Variants in SPTLC3 observed in about 807,000 individuals in gnomAD.
SPTLC3 encodes serine palmitoyltransferase long chain base subunit 3, also known as serine palmitoyltransferase 3.
SPTLC3 carries 36 observed loss-of-function variants against 59.3 expected under a neutral mutation model. The observed-to-expected ratio is 0.61, with a 90% CI of 0.47 to 0.80. SPTLC3 has a LOEUF of 0.80. Among genes scored for constraint, SPTLC3 ranks in the 30% least tolerant of loss-of-function variants. SPTLC3 has a pLI of 0.00. For missense variants in SPTLC3, 625 were observed against 685.1 expected, an observed-to-expected ratio of 0.91 and a Z score of 0.98; for synonymous variants, 257 against 240.8, an observed-to-expected ratio of 1.07 and a Z score of -0.62.
At chr20:13,146,427 TA>T (rs533092694) in intron 9 of SPTLC3, among the ~76,000 whole-genome samples, 387 of 152,112 alleles carry the variant, frequency 2.5e-3, no homozygotes, top group Non-Finnish European at 4.4e-3. Flanking sequence ...AACCTAAAAT[TA>T]AAATTAAAAA....
chr20:13,094,860 C>A (rs889481553), intron 6 of SPTLC3, among the ~76,000 whole-genome samples: 2 of 152,244 alleles, frequency 1.3e-5, no homozygotes, highest in South Asian at 4.1e-4. Flanking sequence ...CAAACTATGG[C>A]CCCCTCAGAC....
intron 9 of SPTLC3, among the ~76,000 whole-genome samples, chr20:13,148,943 T>C (rs771260231): frequency 5.3e-5 from 8 of 152,228 alleles, no homozygotes; most frequent in Non-Finnish European, 8.8e-5. Flanking sequence ...ATTAATTTCT[T>C]GATTTCTCCC....
intron 2 of SPTLC3, among the ~76,000 whole-genome samples, chr20:13,070,294 A>T (rs1988388989): frequency 6.6e-6 from 1 of 152,154 alleles, no homozygotes; most frequent in Admixed American, 6.5e-5. Flanking sequence ...GCTTATGAAC[A>T]TTCTTTCCTA....
chr20:13,155,823 C>T (rs770852039), intron 10 of SPTLC3, among the ~76,000 whole-genome samples: 5 of 152,082 alleles, frequency 3.3e-5, no homozygotes, highest in Non-Finnish European at 5.9e-5. Flanking sequence ...AAGACTCCGT[C>T]TAAAAAAATA....
At chr20:13,020,601 AT>A (rs1985829258) in intron 1 of SPTLC3, among the ~76,000 whole-genome samples, 1 of 152,148 alleles carries the variant, frequency 6.6e-6, no homozygotes, top group Non-Finnish European at 1.5e-5. Context: ...CTGTAAAACT[AT>A]TTTTATATAC....
At chr20:13,095,707 A>G (rs986934847) in intron 6 of SPTLC3, among the ~76,000 whole-genome samples, 1 of 152,062 alleles carries the variant, frequency 6.6e-6, no homozygotes. Context: ...TAAGACCTAG[A>G]ATCTTATTTT....
At chr20:13,075,498 G>T (rs1438727745) in intron 4 of SPTLC3, among the ~76,000 whole-genome samples, 1 of 152,168 alleles carries the variant, frequency 6.6e-6, no homozygotes, top group African/African-American at 2.4e-5. Flanking sequence ...AACAAAGTAG[G>T]TACCTTTTTA....
intron 4 of SPTLC3, among the ~76,000 whole-genome samples, chr20:13,086,645 T>C (rs1418080063): frequency 6.6e-6 from 1 of 152,190 alleles, no homozygotes; most frequent in Non-Finnish European, 1.5e-5. Context: ...TGGTCTTGCA[T>C]CTAGGAGATA....
At chr20:13,056,837 G>A (rs6033603) in intron 2 of SPTLC3, among the ~76,000 whole-genome samples, 131,838 of 151,226 alleles carry the variant, frequency 0.87, 57,526 homozygotes, top group East Asian at 0.91. Context: ...CACCTCCCAG[G>A]TTCAAGTGAT....
chr20:13,032,405 C>A (rs1181577413), intron 1 of SPTLC3, among the ~76,000 whole-genome samples: 2 of 152,160 alleles, frequency 1.3e-5, no homozygotes, highest in African/African-American at 4.8e-5. Flanking sequence ...TGAAAGCACA[C>A]CTTTCTTTCA....
rs2038983860 is a variant in SPTLC3, at chr20:13,166,365, A to G, written c.*1498A>G. Reference sequence around the variant, plus strand: ...AAAGTGATCAGCATGGAAAGTTTTTATGGGGAAATTATAACTCCAAGTGGG... The same window carrying G: ...AAAGTGATCAGCATGGAAAGTTTTTGTGGGGAAATTATAACTCCAAGTGGG... On this transcript the variant is annotated 3_prime_UTR_variant, in exon 12 of 12. Transcript: ENST00000399002. 1.3e-5 allele frequency: 2 copies of G among 152,506 alleles called. No homozygotes were observed. Among genetic ancestry groups the G allele is most frequent in the South Asian group, 4.1e-4 (2 of 4,832 alleles). 9.4% of individuals were successfully genotyped at this position (152,506 alleles called of 1,614,324 possible). A position where few individuals can be genotyped will look rare whatever the true frequency, so the allele number is the denominator to read the frequency against.
chr20:13,095,723 C>G lies in SPTLC3; in HGVS notation c.826+2146C>G, dbSNP rs569141143. Among the ~76,000 whole-genome samples, 3 of 152,002 alleles carry G rather than the reference C, an allele frequency of 2.0e-5. No homozygotes were observed. The East Asian group carries it at 5.8e-4, about 29-fold the overall frequency. ...AAGACCTAGAATCTTATTTTTTGAA[C>G]CTCCTTTAATCTAAGCTGTCCCCAG... On this transcript the variant is annotated intron_variant, in intron 6 of 11. Transcript: ENST00000399002.
intron 4 of SPTLC3, 132 bp downstream of exon 4, chr20:13,074,629 A>G: frequency 9.9e-7 from 1 of 1,007,704 alleles, no homozygotes; most frequent in Non-Finnish European, 1.4e-6. Flanking sequence ...GAAAAAAAAG[A>G]GATATTTTGG....
chr20:13,073,874 CTTTAT>C, intron 3 of SPTLC3: 4 of 536,380 alleles, frequency 7.5e-6, no homozygotes, highest in South Asian at 6.5e-5. Flanking sequence ...TTAATAAATT[CTTTAT>C]AGGACGGTCC....
intron 4 of SPTLC3, among the ~76,000 whole-genome samples, chr20:13,076,225 G>C (rs1413256741): frequency 6.6e-6 from 1 of 152,176 alleles, no homozygotes; most frequent in South Asian, 2.1e-4. Flanking sequence ...AATAAATAAA[G>C]AGAGGATATT....
At chr20:13,097,222 G>A (rs987303902) in intron 6 of SPTLC3, among the ~76,000 whole-genome samples, 3 of 152,060 alleles carry the variant, frequency 2.0e-5, no homozygotes, top group Admixed American at 2.0e-4. Context: ...TCTAATCAGG[G>A]AAGAAGAAAA....
chr20:13,038,724 A>C (rs1437974666), intron 1 of SPTLC3, among the ~76,000 whole-genome samples: 4 of 152,086 alleles, frequency 2.6e-5, no homozygotes, highest in Non-Finnish European at 5.9e-5. Flanking sequence ...CCATGGTCTT[A>C]AGATAAGGTG....
intron 2 of SPTLC3, among the ~76,000 whole-genome samples, chr20:13,058,405 A>G (rs1375367770): frequency 6.6e-6 from 1 of 152,188 alleles, no homozygotes; most frequent in African/African-American, 2.4e-5. Flanking sequence ...TATCTCTAGG[A>G]ACGTAATATA....
chr20:13,010,964 C>T (rs1985209721), intron 1 of SPTLC3, among the ~76,000 whole-genome samples: 1 of 152,130 alleles, frequency 6.6e-6, no homozygotes, highest in East Asian at 1.9e-4. Context: ...CTGTAAATAT[C>T]CTTGGACACT....
Sources: gnomAD v4.1 joint callset for allele counts (sites outside exome capture counted in the v4.1 genomes callset) on GRCh38, gnomAD v4.1.1 for gene constraint, MANE v1.5 for transcripts, NCBI Gene and HGNC (gene_info 2026-07-23, HGNC 2026-07-21) for gene names.